Variants in NR2C2 observed in about 807,000 individuals in gnomAD.
NR2C2 encodes the protein Nuclear hormone receptor TR4.
A neutral mutation model predicts 62.9 loss-of-function variants in NR2C2; 6 were observed. The ratio of observed to expected loss-of-function variants is 0.10; its 90% CI spans 0.05 to 0.19. The LOEUF (loss-of-function observed/expected upper bound fraction) is 0.19. Ranked by LOEUF, NR2C2 falls within the 10% of genes least tolerant of loss-of-function variation. The probability of loss-of-function intolerance (pLI) is 1.00; values close to 1 mark genes in which losing one functional copy is unlikely to be tolerated. For synonymous variants in NR2C2, 272 were observed against 273.8 expected (o/e 0.99, Z 0.07); for missense variants, 479 against 762.7 (o/e 0.63, Z 4.38).
In NR2C2 at chr3:15,030,437, A is replaced by G. The variant is rs2041950243; in HGVS notation, c.1095A>G (p.Thr365=). 2 of 1,601,642 alleles carry G rather than the reference A, an allele frequency of 1.2e-6. No individual in the cohort carries two copies. Among genetic ancestry groups the G allele is most frequent in the Admixed American group, 3.6e-5 (2 of 56,336 alleles). The change falls in exon 9 of 14, where the codon ACA becomes ACG. Residue 365 remains threonine (T), a synonymous_variant. Transcript: ENST00000425241. ...TTGAAGGCCCCCTCCTTTCAGACAC[A>G]CACGTCACATTTAAGGTGAGTGAAT... ...IEVEGPLLSD[T]HVTFKLTMPS...
chr3:14,987,714 T>C (rs575552318), intron 1 of NR2C2, among the ~76,000 whole-genome samples: 138 of 152,346 alleles, frequency 9.1e-4, no homozygotes, highest in African/African-American at 3.0e-3. Flanking sequence ...AGACCAGAAC[T>C]TTATTTCATT....
chr3:15,035,264 C>G (rs1198953460), intron 11 of NR2C2, among the ~76,000 whole-genome samples: 1 of 152,196 alleles, frequency 6.6e-6, no homozygotes, highest in Non-Finnish European at 1.5e-5. Context: ...GTACTCCATC[C>G]TGGGTAATAG....
chr3:15,037,617 T>C (rs1424283927), intron 11 of NR2C2, among the ~76,000 whole-genome samples: 1 of 152,186 alleles, frequency 6.6e-6, no homozygotes, highest in Non-Finnish European at 1.5e-5. Context: ...TACCAGCATT[T>C]AATGTTCAGG....
chr3:14,961,774 A>G (rs1173547800), intron 1 of NR2C2, among the ~76,000 whole-genome samples: 1 of 152,260 alleles, frequency 6.6e-6, no homozygotes, highest in Admixed American at 6.5e-5. Context: ...TGCTACTAGT[A>G]GAAAGCCGAA....
chr3:15,015,894 C>T (rs966976891), intron 3 of NR2C2, among the ~76,000 whole-genome samples: 3 of 152,114 alleles, frequency 2.0e-5, no homozygotes, highest in African/African-American at 2.4e-5. Flanking sequence ...CTCTGCCTCC[C>T]GGGTTGAAGC....
At chr3:15,041,135 G>A (rs971276758) in intron 13 of NR2C2, among the ~76,000 whole-genome samples, 8 of 152,166 alleles carry the variant, frequency 5.3e-5, no homozygotes, top group African/African-American at 9.7e-5. Context: ...AAATTCACTC[G>A]AGATAGTTCT....
At chr3:14,950,427 C>T (rs1277829522) in intron 1 of NR2C2, among the ~76,000 whole-genome samples, 3 of 152,106 alleles carry the variant, frequency 2.0e-5, no homozygotes, top group Non-Finnish European at 4.4e-5. Context: ...CTTTCCAAGG[C>T]TTTTCATTAT....
At chr3:15,031,399 G>A (rs1193320361) in intron 9 of NR2C2, among the ~76,000 whole-genome samples, 1 of 151,196 alleles carries the variant, frequency 6.6e-6, no homozygotes, top group Admixed American at 6.6e-5. Flanking sequence ...AAATACATAG[G>A]CTGAAGCGTA....
chr3:14,982,452 C>G (rs565197468), intron 1 of NR2C2, among the ~76,000 whole-genome samples: 5 of 152,254 alleles, frequency 3.3e-5, no homozygotes, highest in African/African-American at 1.2e-4. Flanking sequence ...GAGAGTTGAT[C>G]TCTTCATCAT....
intron 1 of NR2C2, among the ~76,000 whole-genome samples, chr3:14,994,166 T>C (rs2040750733): frequency 6.6e-6 from 1 of 152,210 alleles, no homozygotes; most frequent in Non-Finnish European, 1.5e-5. Context: ...TTTTGTTTTT[T>C]TATCCACTCA....
At chr3:14,973,204 C>T (rs2040100910) in intron 1 of NR2C2, among the ~76,000 whole-genome samples, 3 of 151,922 alleles carry the variant, frequency 2.0e-5, no homozygotes, top group Admixed American at 1.3e-4. Flanking sequence ...AAATTATCGC[C>T]AAGTCCAATG....
chr3:14,951,513 T>C (rs2039356087), intron 1 of NR2C2, among the ~76,000 whole-genome samples: 1 of 152,196 alleles, frequency 6.6e-6, no homozygotes, highest in Non-Finnish European at 1.5e-5. Context: ...TTTTCTGTCT[T>C]GCTCAAAGAT....
chr3:14,975,494 CTT>C (rs950865463), intron 1 of NR2C2, among the ~76,000 whole-genome samples: 7 of 152,004 alleles, frequency 4.6e-5, no homozygotes, highest in African/African-American at 1.7e-4. Context: ...TCCGTTCATT[CTT>C]TTAATGAGAG....
In NR2C2 at chr3:14,987,187, A is replaced by G. The variant is rs550013092; in HGVS notation, c.-39-16689A>G. The stretch of plus-strand genomic sequence containing the variant: ...AATTTCAATCTCCTGGGCTCAAGCA[A>G]TCCTCCCACCTCAGCCTCCCAAGTA... On this transcript the variant is annotated intron_variant, in intron 1 of 13. Coordinates refer to ENST00000425241, the MANE Select transcript of NR2C2 (RefSeq NM_001291694.2). 1.2e-4 allele frequency among the ~76,000 whole-genome samples: 18 copies of G among 152,290 alleles called. No individual in the cohort carries two copies. In the East Asian group the frequency reaches 1.9e-3, roughly 16 times the overall value.
At chr3:14,977,816 T>C (rs973744261) in intron 1 of NR2C2, among the ~76,000 whole-genome samples, 1 of 151,908 alleles carries the variant, frequency 6.6e-6, no homozygotes, top group Non-Finnish European at 1.5e-5. Flanking sequence ...ATACAAAATA[T>C]TAGCTGGGCA....
At chr3:14,993,952 A>G (rs2040743452) in intron 1 of NR2C2, among the ~76,000 whole-genome samples, 1 of 152,130 alleles carries the variant, frequency 6.6e-6, no homozygotes, top group Admixed American at 6.5e-5. Flanking sequence ...TCAGCGCCCA[A>G]CCTGTGCTTT....
rs376324529 is a variant in NR2C2, at chr3:15,034,696, G to A, written c.1259G>A (p.Arg420Gln). The A allele has an allele frequency of 4.3e-6, 7 of 1,613,970 alleles. No homozygotes were observed. Among genetic ancestry groups the A allele is most frequent in the African/African-American group, 1.3e-5 (1 of 74,902 alleles). The change falls in exon 11 of 14, where the codon CGG becomes CAG. Residue 420 changes from arginine (R) to glutamine (Q), a missense_variant. Arg to Gln is a conservative substitution (Grantham distance 43). Coordinates refer to ENST00000425241, the MANE Select transcript of NR2C2 (RefSeq NM_001291694.2). The part of the protein sequence containing the change: ...LGQDCNTSLV[R>Q]ACWNELFTLG... ...CAGGACTGCAACACCAGCCTTGTGCGGGCCTGCTGGAATGAGCTCTTCACC... is the reference window on the plus strand; with the variant it reads ...CAGGACTGCAACACCAGCCTTGTGCAGGCCTGCTGGAATGAGCTCTTCACC...
At position 15,020,409 on chromosome 3, in the gene NR2C2, C is replaced by A. The variant is rs552258184; in HGVS notation, c.377-344C>A. 7.2e-5 allele frequency among the ~76,000 whole-genome samples: 11 copies of A among 152,340 alleles called. No individual in the cohort carries two copies. The South Asian group carries it at 2.1e-3, about 29-fold the overall frequency. ...TCCAGGAATAGGACCCAGGTGTGTT[C>A]AAGTGGACAGTAGAGTTCAGCCGTC... On this transcript the variant is annotated intron_variant, in intron 4 of 13. Transcript: ENST00000425241.
chr3:15,034,067 G>T (rs937020545), intron 10 of NR2C2, among the ~76,000 whole-genome samples: 2 of 152,210 alleles, frequency 1.3e-5, no homozygotes, highest in African/African-American at 4.8e-5. Flanking sequence ...ACAGGTGAGG[G>T]AATGCAATTT....
Sources: gnomAD v4.1 joint callset for allele counts (sites outside exome capture counted in the v4.1 genomes callset) on GRCh38, gnomAD v4.1.1 for gene constraint, MANE v1.5 for transcripts, NCBI Gene and HGNC (gene_info 2026-07-23, HGNC 2026-07-21) for gene names.